Variants in INTS6L observed in about 807,000 individuals in gnomAD.
INTS6L encodes integrator complex subunit 6 like.
Under a neutral mutation model 64.7 loss-of-function variants are expected in INTS6L, and 18 were observed. The ratio of observed to expected loss-of-function variants is 0.28; its 90% CI spans 0.19 to 0.41. The LOEUF is 0.41. Ranked by LOEUF, INTS6L falls within the 10% of genes least tolerant of loss-of-function variation. The probability of loss-of-function intolerance (pLI) is 1.00; values close to 1 mark genes in which losing one functional copy is unlikely to be tolerated. For synonymous variants in INTS6L, 227 were observed against 235.9 expected (o/e 0.96, Z 0.34); for missense variants, 533 against 661.0 (o/e 0.81, Z 2.12).
chrX:135,523,850 C>T (rs2085658449), intron 2 of INTS6L, among the ~76,000 whole-genome samples: 1 of 111,761 alleles, frequency 8.9e-6, no homozygotes, highest in African/African-American at 3.3e-5. Context: ...AGCACGTTTC[C>T]AAGTTGAGTT....
At position 135,521,007 on chromosome X, in the gene INTS6L, G is replaced by A. The variant is rs1483961222; in HGVS notation, c.15G>A (p.Leu5=). The A allele has an allele frequency of 8.3e-7, 1 of 1,209,440 alleles. No homozygotes were observed. Among genetic ancestry groups the A allele is most frequent in the African/African-American group, 1.8e-5 (1 of 57,129 alleles). Residue 5 remains leucine, a synonymous_variant, in exon 1 of 18, where the codon CTG becomes CTA. Coordinates refer to ENST00000639893, the MANE Select transcript of INTS6L (RefSeq NM_001351601.3). ...TGCGGGGGAAGATGCCCATCCTGCT[G>A]TTCCTCATAGACACGTCCGCCTCTA... The part of the protein sequence containing the change: MPIL[L]FLIDTSASMN...
At chrX:135,572,619 A>C (rs868966346) in intron 11 of INTS6L, 196 bp from the exon 12 acceptor site, 105 of 329,443 alleles carry the variant, frequency 3.2e-4, no homozygotes, top group Middle Eastern at 1.7e-3. Flanking sequence ...AAAAAATATT[A>C]TTTGTCTTTC....
At chrX:135,528,876 C>CT (rs1219553456) in intron 2 of INTS6L, among the ~76,000 whole-genome samples, 1 of 86,425 alleles carries the variant, frequency 1.2e-5, no homozygotes, top group Non-Finnish European at 2.3e-5. Flanking sequence ...ACCCCCCCCC[C>CT]CGACCCACCG....
intron 2 of INTS6L, among the ~76,000 whole-genome samples, chrX:135,524,977 A>T (rs1387901853): frequency 8.9e-6 from 1 of 112,494 alleles, no homozygotes; most frequent in Non-Finnish European, 1.9e-5. Context: ...TAGTGTTACA[A>T]GTGTTGACCC....
At position 135,568,018 on chromosome X, in the gene INTS6L, T is replaced by A. The variant is rs187598789; in HGVS notation, c.1193-1319T>A. 5.0e-3 allele frequency among the ~76,000 whole-genome samples: 560 copies of A among 111,447 alleles called. 4 individuals carry two copies. Among genetic ancestry groups the A allele is most frequent in the Middle Eastern group, 0.018 (4 of 218 alleles). The stretch of plus-strand genomic sequence containing the variant: ...GTCTCTGTAAGTAAAGCATTTTTTT[T>A]AAAAAAATCAAAACTACTAAAACCT... On this transcript the variant is annotated intron_variant, in intron 9 of 17. Coordinates refer to ENST00000639893, the MANE Select transcript of INTS6L (RefSeq NM_001351601.3).
intron 12 of INTS6L, 63 bp downstream of exon 12, chrX:135,573,096 T>C: frequency 1.0e-6 from 1 of 975,714 alleles, no homozygotes; most frequent in Non-Finnish European, 1.4e-6. Context: ...ATGTCTTTCA[T>C]ATTCCTTTAG....
Position 135,543,940 on chromosome X carries a change from C to T in INTS6L, c.190-1483C>T, listed in dbSNP as rs142309774. Among the ~76,000 whole-genome samples the T allele has an allele frequency of 9.3e-3, 1,041 of 112,205 alleles. 15 individuals are homozygous for T. The highest frequency in any genetic ancestry group is 0.032 in the African/African-American group (977 of 30,872). On this transcript the variant is annotated intron_variant, in intron 2 of 17. Transcript: ENST00000639893. ...CAAAGGAGCACCTGGAAAGTTTTAA[C>T]CTTTAAATGCTTCGACCTATAGGAT...
At position 135,543,780 on chromosome X, in the gene INTS6L, A is replaced by C. The variant is rs782230181; in HGVS notation, c.190-1643A>C. On this transcript the variant is annotated intron_variant, in intron 2 of 17. Transcript: ENST00000639893. ...CTACTGATAGTTCCAGGTATTTGAAAAGATACTTTAAATCATAATGCTTCC... is the reference window on the plus strand; with the variant it reads ...CTACTGATAGTTCCAGGTATTTGAACAGATACTTTAAATCATAATGCTTCC... 1.2e-4 allele frequency among the ~76,000 whole-genome samples: 13 copies of C among 112,421 alleles called. No individual in the cohort carries two copies. In the South Asian group the frequency reaches 3.3e-3, roughly 28 times the overall value.
chrX:135,563,616 C>CGTGT (rs2086843577), intron 9 of INTS6L, among the ~76,000 whole-genome samples: 1 of 36,681 alleles, frequency 2.7e-5, no homozygotes, highest in African/African-American at 1.3e-4. Flanking sequence ...TGTATATATC[C>CGTGT]ATATGTGTGT....
At chrX:135,577,504 G>A (rs1292520367) in intron 15 of INTS6L, 77 bp downstream of exon 15, 2 of 995,033 alleles carry the variant, frequency 2.0e-6, no homozygotes, top group Admixed American at 5.2e-5. Flanking sequence ...CCCTTTTTGT[G>A]TTCCTTCCTT....
In INTS6L at chrX:135,577,190, T is replaced by C; in HGVS notation, c.1885-3T>C. 1 of 1,209,326 alleles carries C rather than the reference T, an allele frequency of 8.3e-7. No homozygotes were observed. On this transcript the variant is annotated splice_region_variant and splice_polypyrimidine_tract_variant and intron_variant, in intron 14 of 17. Coordinates refer to ENST00000639893, the MANE Select transcript of INTS6L (RefSeq NM_001351601.3). ...GAAATACGTTCATTTATGTGTTTTT[T>C]AGGGAATGATGATTGATGAAGCAGA...
chrX:135,544,100 G>T (rs2086294116), intron 2 of INTS6L, among the ~76,000 whole-genome samples: 2 of 112,165 alleles, frequency 1.8e-5, no homozygotes, highest in African/African-American at 6.5e-5. Flanking sequence ...GTTGTGTTCT[G>T]TTTAACCCTA....
chrX:135,532,969 C>CG (rs1381044619), intron 2 of INTS6L, among the ~76,000 whole-genome samples: 2 of 111,071 alleles, frequency 1.8e-5, no homozygotes, highest in Non-Finnish European at 3.8e-5. Context: ...CCCAGCTTCT[C>CG]AGGAGGCTGA....
At chrX:135,547,732 G>C (rs782628545) in intron 6 of INTS6L, among the ~76,000 whole-genome samples, 6 of 111,923 alleles carry the variant, frequency 5.4e-5, no homozygotes, top group African/African-American at 2.0e-4. Flanking sequence ...TCCTACACTA[G>C]TATTTTCCCG....
chrX:135,550,615 A>G lies in INTS6L; in HGVS notation c.906+810A>G, dbSNP rs781981519. On this transcript the variant is annotated intron_variant, in intron 7 of 17. Coordinates refer to ENST00000639893, the MANE Select transcript of INTS6L (RefSeq NM_001351601.3). ...CTTCTATTTAACATCTTCCTAGTTC[A>G]GTTCATCTATATTCTGTCTCAGTTT... 2.2e-3 allele frequency among the ~76,000 whole-genome samples: 245 copies of G among 111,243 alleles called. 1 individual carries two copies. Among genetic ancestry groups the G allele is most frequent in the Admixed American group, 8.9e-3 (93 of 10,482 alleles).
At chrX:135,544,917 G>A (rs1334949500) in intron 2 of INTS6L, among the ~76,000 whole-genome samples, 1 of 111,843 alleles carries the variant, frequency 8.9e-6, no homozygotes, top group Admixed American at 9.5e-5. Flanking sequence ...ATCCAAATAA[G>A]TGTGGCTCTA....
At chrX:135,535,961 T>C (rs1556508544) in intron 2 of INTS6L, among the ~76,000 whole-genome samples, 1 of 112,451 alleles carries the variant, frequency 8.9e-6, no homozygotes, top group African/African-American at 3.2e-5. Flanking sequence ...GCAACATGCA[T>C]TGGCTTTCTG....
chrX:135,575,226 G>A lies in INTS6L; in HGVS notation c.1884G>A (p.Lys628=). Residue 628 remains lysine (K), a splice_region_variant and synonymous_variant, in exon 14 of 18, where the codon AAG becomes AAA. Transcript: ENST00000639893. ...GCAATCCGTTTAAACAAGATAAGAA[G>A]GTAGGATACCTATGCCTATGTCTGC... ...TFGNPFKQDK[K]GMMIDEADEF... The A allele has an allele frequency of 8.3e-7, 1 of 1,205,498 alleles. No homozygotes were observed. The highest frequency in any genetic ancestry group is 1.1e-6 in the Non-Finnish European group (1 of 893,232).
intron 9 of INTS6L, among the ~76,000 whole-genome samples, chrX:135,563,638 TATATATATATATATATATA>T (rs1556523346): frequency 2.1e-3 from 14 of 6,743 alleles, no homozygotes; most frequent in African/African-American, 4.7e-3. Flanking sequence ...TGTGTGTATA[TATATATATATATATATATA>T]GCTATATATA....
Sources: allele counts gnomAD v4.1 joint callset (sites outside exome capture counted in the v4.1 genomes callset), GRCh38; gene constraint gnomAD v4.1.1; transcripts MANE v1.5; gene names NCBI Gene and HGNC (gene_info 2026-07-23, HGNC 2026-07-21).